PCDHGA5: variants seen among roughly 807,000 people sequenced by gnomAD.
PCDHGA5 encodes protocadherin gamma-A5.
In PCDHGA5, 36 loss-of-function variants were observed where a neutral mutation model predicts 56.7. That is an observed-to-expected ratio of 0.64 (90% CI 0.49 to 0.84). The LOEUF (loss-of-function observed/expected upper bound fraction) is 0.84. Among genes scored for constraint, PCDHGA5 ranks in the 40% least tolerant of loss-of-function variants. The probability of loss-of-function intolerance (pLI) is 0.00; values close to 1 mark genes in which losing one functional copy is unlikely to be tolerated. For synonymous variants in PCDHGA5, 563 were observed against 520.2 expected (o/e 1.08, Z -1.12); for missense variants, 1,305 against 1,201.5 (o/e 1.09, Z -1.27).
chr5:141,496,140 T>C (rs1172903212), intron 2 of PCDHGA5, among the ~76,000 whole-genome samples: 1 of 152,006 alleles, frequency 6.6e-6, no homozygotes, highest in Admixed American at 6.6e-5. Flanking sequence ...CACTGAGCCT[T>C]TGATCGCAGC....
chr5:141,418,832 G>A, intron 1 of PCDHGA5: 1 of 1,614,008 alleles, frequency 6.2e-7, no homozygotes, highest in Non-Finnish European at 8.5e-7. Flanking sequence ...AAAAGACCGA[G>A]GATCTCTCTC....
chr5:141,365,084 C>T lies in PCDHGA5; in HGVS notation c.754C>T (p.Pro252Ser), dbSNP rs75563633. The T allele has an allele frequency of 1.4e-5, 22 of 1,613,718 alleles. No homozygotes were observed. The South Asian group carries it at 1.4e-4, about 10-fold the overall frequency. Residue 252 changes from proline to serine, a missense_variant, in exon 1 of 4, where the codon CCA (proline) becomes TCA (serine). Transcript: ENST00000518069. Reference sequence around the variant, plus strand: ...CCCATCCGAGTACAGCGTGAGTGTTCCAGAGAACATACCTGTGGGCACTCG... The same window carrying T: ...CCCATCCGAGTACAGCGTGAGTGTTTCAGAGAACATACCTGTGGGCACTCG... ...FTPSEYSVSV[P>S]ENIPVGTRLL... is the part of the protein sequence containing the mutation.
intron 1 of PCDHGA5, among the ~76,000 whole-genome samples, chr5:141,464,263 T>TA (rs35224477): frequency 7.1e-4 from 74 of 103,538 alleles, no homozygotes; most frequent in East Asian, 1.9e-3. Flanking sequence ...AGACTCCGTC[T>TA]AAAAAAAAAA....
chr5:141,401,564 C>A (rs2094168610), intron 1 of PCDHGA5, among the ~76,000 whole-genome samples: 1 of 152,204 alleles, frequency 6.6e-6, no homozygotes, highest in African/African-American at 2.4e-5. Flanking sequence ...GCCTGAATTT[C>A]TCTTGCTCGG....
chr5:141,421,130 A>G, intron 1 of PCDHGA5: 1 of 827,800 alleles, frequency 1.2e-6, no homozygotes, highest in South Asian at 1.8e-5. Context: ...GCTTTCTGAT[A>G]TATTTTGGAT....
chr5:141,406,877 A>T (rs4912750), intron 1 of PCDHGA5, among the ~76,000 whole-genome samples: 9,155 of 152,322 alleles, frequency 0.06, 381 homozygotes, highest in Non-Finnish European at 0.089. Flanking sequence ...ACTGCTGGGA[A>T]GATTCTAAAA....
chr5:141,407,497 G>GTTTTTTTTTTTTTTTTTTTTTTTTTT (rs1554102286), intron 1 of PCDHGA5, among the ~76,000 whole-genome samples: 1 of 152,086 alleles, frequency 6.6e-6, no homozygotes, highest in African/African-American at 2.4e-5. Context: ...CTTTATTTCT[G>GTTTTTTTTTTTTTTTTTTTTTTTTTT]TTTTTCTTAG....
intron 1 of PCDHGA5, among the ~76,000 whole-genome samples, chr5:141,460,912 G>GTGTATATATA (rs145509489): frequency 6.7e-6 from 1 of 149,236 alleles, no homozygotes; most frequent in Non-Finnish European, 1.5e-5. Flanking sequence ...ATTCCATGGT[G>GTGTATATATA]TATATATATA....
chr5:141,478,481 C>A, intron 1 of PCDHGA5: 1 of 1,613,576 alleles, frequency 6.2e-7, no homozygotes, highest in South Asian at 1.1e-5. Flanking sequence ...CCAGAACACG[C>A]TGCGGAGCTG....
chr5:141,419,264 G>T (rs2096351955), intron 1 of PCDHGA5: 1 of 1,614,036 alleles, frequency 6.2e-7, no homozygotes, highest in Non-Finnish European at 8.5e-7. Context: ...CCAGCCGGGT[G>T]CCTCCATAGC....
Position 141,393,354 on chromosome 5 carries a change from G to A in PCDHGA5, c.2421+26603G>A, listed in dbSNP as rs781276983. The A allele has an allele frequency of 2.4e-5, 39 of 1,613,824 alleles. No homozygotes were observed. The East Asian group carries it at 4.5e-4, about 18-fold the overall frequency. ...CAGCCCCAATCACCACTTCTCCCTG[G>A]ACGTGCAGACTGGAGACAATGGAGC... On this transcript the variant is annotated intron_variant, in intron 1 of 3. Coordinates refer to ENST00000518069, the MANE Select transcript of PCDHGA5 (RefSeq NM_018918.3).
chr5:141,421,251 G>C (rs771398829), intron 1 of PCDHGA5: 1 of 1,606,888 alleles, frequency 6.2e-7, no homozygotes, highest in Non-Finnish European at 8.5e-7. Context: ...TACAGCGCGG[G>C]GACCGCAGTC....
chr5:141,430,926 C>A (rs145535410), intron 1 of PCDHGA5: 4 of 1,607,308 alleles, frequency 2.5e-6, no homozygotes, highest in African/African-American at 1.3e-5. Context: ...GGGCTGGAGC[C>A]CCGGGAGCTC....
At chr5:141,399,532 C>G (rs552966531) in intron 1 of PCDHGA5, 28 of 1,614,066 alleles carry the variant, frequency 1.7e-5, no homozygotes, top group Non-Finnish European at 2.2e-5. Flanking sequence ...CTCCATCGCG[C>G]AAGTCTGCGC....
At chr5:141,435,008 A>G (rs961813777) in intron 1 of PCDHGA5, among the ~76,000 whole-genome samples, 3 of 152,130 alleles carry the variant, frequency 2.0e-5, no homozygotes, top group African/African-American at 7.2e-5. Context: ...GAATTTATCA[A>G]TGATAATGCT....
intron 3 of PCDHGA5, among the ~76,000 whole-genome samples, chr5:141,508,954 C>A (rs2154594435): frequency 6.6e-6 from 1 of 152,170 alleles, no homozygotes; most frequent in Admixed American, 6.5e-5. Context: ...AGAGAAATGT[C>A]AGCGGAATGA....
In PCDHGA5 at chr5:141,477,143, G is replaced by T; in HGVS notation, c.2422-17664G>T. On this transcript the variant is annotated intron_variant, in intron 1 of 3. Transcript: ENST00000518069. The surrounding 1 kb of genome is among the most constrained non-coding windows in gnomAD (Gnocchi z 4.9). The stretch of plus-strand genomic sequence containing the variant: ...ACATTGCAAAGTGTTGGTGGAGGTT[G>T]TGGATGTGAATGACAACGCCCCGGA... The T allele has an allele frequency of 6.2e-7, 1 of 1,614,198 alleles. No homozygotes were observed. The highest frequency in any genetic ancestry group is 8.5e-7 in the Non-Finnish European group (1 of 1,180,036).
intron 1 of PCDHGA5, chr5:141,383,225 T>C: frequency 6.2e-7 from 1 of 1,613,970 alleles, no homozygotes; most frequent in Non-Finnish European, 8.5e-7. Flanking sequence ...TTTAACATCC[T>C]GATGGAAGAT....
chr5:141,510,398 G>A (rs2099880972), intron 3 of PCDHGA5, among the ~76,000 whole-genome samples: 1 of 152,064 alleles, frequency 6.6e-6, no homozygotes, highest in African/African-American at 2.4e-5. Flanking sequence ...CTTGGCAAAG[G>A]CTAGGGGCAT....
Sources: allele counts gnomAD v4.1 joint callset (sites outside exome capture counted in the v4.1 genomes callset), GRCh38; gene constraint gnomAD v4.1.1; non-coding constraint Gnocchi (gnomAD v3.1); transcripts MANE v1.5; gene names NCBI Gene and HGNC (gene_info 2026-07-23, HGNC 2026-07-21).